Variants in SIK3 observed in about 807,000 individuals in gnomAD.
SIK3 encodes SIK family kinase 3, also known as serine/threonine-protein kinase SIK3.
In SIK3, 28 loss-of-function variants were observed where a neutral mutation model predicts 144.2. The ratio of observed to expected loss-of-function variants is 0.19; its 90% CI spans 0.14 to 0.27. The LOEUF is 0.27. Ranked by LOEUF, SIK3 falls within the 10% of genes least tolerant of loss-of-function variation. The pLI, the probability that SIK3 is intolerant of heterozygous loss-of-function variation, is 1.00. For synonymous variants in SIK3, 686 were observed against 676.3 expected, an observed-to-expected ratio of 1.01 and a Z score of -0.22; for missense variants, 1,319 against 1,776.0, an observed-to-expected ratio of 0.74 and a Z score of 4.62.
At chr11:117,078,698 C>A (rs1033658983) in intron 1 of SIK3, among the ~76,000 whole-genome samples, 1 of 151,918 alleles carries the variant, frequency 6.6e-6, no homozygotes, top group Non-Finnish European at 1.5e-5. Context: ...CCACCACACC[C>A]GGCCTGAGAA....
intron 4 of SIK3, among the ~76,000 whole-genome samples, chr11:116,897,975 A>T (rs1439971834): frequency 1.3e-5 from 2 of 149,224 alleles, no homozygotes; most frequent in African/African-American, 4.9e-5. Context: ...TGGACCCAGA[A>T]TTTTTTTTTT....
chr11:116,934,041 T>C (rs1378967914), intron 3 of SIK3, among the ~76,000 whole-genome samples: 1 of 152,230 alleles, frequency 6.6e-6, no homozygotes, highest in Non-Finnish European at 1.5e-5. Context: ...GAGAGGTCTT[T>C]CCTATCTCTA....
chr11:117,084,868 A>T (rs1250043692), intron 1 of SIK3, among the ~76,000 whole-genome samples: 2 of 152,194 alleles, frequency 1.3e-5, no homozygotes, highest in South Asian at 4.1e-4. Context: ...AAAAGCAAAC[A>T]AAACTGGAAA....
chr11:117,034,176 A>G (rs1183901683), intron 1 of SIK3, among the ~76,000 whole-genome samples: 4 of 152,370 alleles, frequency 2.6e-5, no homozygotes, highest in Non-Finnish European at 1.5e-5. Flanking sequence ...GTTATCACAT[A>G]GAACATGAAG....
At chr11:117,090,679 T>C (rs1301845289) in intron 1 of SIK3, among the ~76,000 whole-genome samples, 1 of 152,244 alleles carries the variant, frequency 6.6e-6, no homozygotes, top group Non-Finnish European at 1.5e-5. Context: ...GGTCATTGCA[T>C]GCTGTGTTTA....
In SIK3 at chr11:116,849,298, C is replaced by G. The variant is rs371938082; in HGVS notation, c.3656-15G>C. The stretch of plus-strand genomic sequence containing the variant: ...TATGACAGGCTCTGAGGAGACACAG[C>G]AGAATAGAGTCAGTGGGGCGGAACT... On this transcript the variant is annotated splice_polypyrimidine_tract_variant and intron_variant, in intron 21 of 24. Transcript: ENST00000445177. This position sits in a 1 kb window ranked among gnomAD's most constrained non-coding sequence, Gnocchi z 4.2. 6.2e-7 allele frequency: 1 copy of G among 1,613,730 alleles called. No individual in the cohort carries two copies. The highest frequency in any genetic ancestry group is 8.5e-7 in the Non-Finnish European group (1 of 1,179,864).
chr11:116,883,648 T>C (rs1252954791), intron 6 of SIK3, among the ~76,000 whole-genome samples: 8 of 152,126 alleles, frequency 5.3e-5, no homozygotes, highest in Admixed American at 4.6e-4. Flanking sequence ...AAATAAGACA[T>C]TTGGGCCCGG....
At position 116,857,554 on chromosome 11, in the gene SIK3, G is replaced by A. The variant is rs2134383506; in HGVS notation, c.3655+256C>T. 4 of 486,738 alleles carry A rather than the reference G, an allele frequency of 8.2e-6. No individual in the cohort carries two copies. The South Asian group carries it at 1.6e-4, about 19-fold the overall frequency. The allele number at this position is 486,738 out of a possible 1,614,324, so 30.2% of individuals were successfully genotyped here. On this transcript the variant is annotated intron_variant, in intron 21 of 24. Transcript: ENST00000445177. ...AGGAATTTCTGGATTCCAAGAAACT[G>A]TGGTATGAATAAGGGAAATGGATCA... is the stretch of plus-strand genomic sequence containing the variant.
chr11:116,989,030 A>G (rs1331076847), intron 1 of SIK3, among the ~76,000 whole-genome samples: 1 of 152,112 alleles, frequency 6.6e-6, no homozygotes, highest in Non-Finnish European at 1.5e-5. Flanking sequence ...TAAGACTACA[A>G]TAAGTAAAGG....
chr11:116,914,667 GA>G (rs1439244201), intron 4 of SIK3, among the ~76,000 whole-genome samples: 1 of 152,144 alleles, frequency 6.6e-6, no homozygotes, highest in East Asian at 1.9e-4. Context: ...GAGTTTTAAG[GA>G]AAAGTTCCAG....
Position 116,990,643 on chromosome 11 carries a change from G to A in SIK3, c.274-33579C>T, listed in dbSNP as rs552880096. 2.1e-3 allele frequency among the ~76,000 whole-genome samples: 315 copies of A among 152,168 alleles called. 2 individuals are homozygous for A. Among genetic ancestry groups the A allele is most frequent in the Non-Finnish European group, 3.4e-3 (228 of 68,028 alleles). ...CCAGACAGCAATAACTTCCACATTCGTACCTCCAGGCTTCGTATTTCCAAC... is the reference window on the plus strand; with the variant it reads ...CCAGACAGCAATAACTTCCACATTCATACCTCCAGGCTTCGTATTTCCAAC... On this transcript the variant is annotated intron_variant, in intron 1 of 24. Transcript: ENST00000445177.
chr11:116,892,675 T>C (rs1048337483), intron 6 of SIK3, among the ~76,000 whole-genome samples: 1 of 152,244 alleles, frequency 6.6e-6, no homozygotes, highest in African/African-American at 2.4e-5. Context: ...CCTACAAAAC[T>C]ATCCATGCTC....
chr11:116,907,738 T>A (rs1946120612), intron 4 of SIK3, among the ~76,000 whole-genome samples: 1 of 152,240 alleles, frequency 6.6e-6, no homozygotes, highest in African/African-American at 2.4e-5. Context: ...CTGCTTATGT[T>A]AATTCCCAAA....
At chr11:116,951,783 A>AT (rs1251590191) in intron 3 of SIK3, among the ~76,000 whole-genome samples, 1 of 151,966 alleles carries the variant, frequency 6.6e-6, no homozygotes, top group South Asian at 2.1e-4. Flanking sequence ...AAAATTTAAA[A>AT]ATTAGCCTGG....
chr11:116,879,947 T>C (rs1433434697), intron 6 of SIK3, among the ~76,000 whole-genome samples: 1 of 152,192 alleles, frequency 6.6e-6, no homozygotes, highest in African/African-American at 2.4e-5. Flanking sequence ...TGTTCTTAAT[T>C]TAGGAAGTTG....
chr11:116,973,692 T>G (rs948101399), intron 1 of SIK3, among the ~76,000 whole-genome samples: 1 of 152,208 alleles, frequency 6.6e-6, no homozygotes, highest in African/African-American at 2.4e-5. Context: ...TAATAAGTCA[T>G]GTTGATAGTA....
intron 1 of SIK3, among the ~76,000 whole-genome samples, chr11:116,975,372 T>A (rs931315702): frequency 1.5e-4 from 23 of 152,060 alleles, no homozygotes; most frequent in South Asian, 2.1e-4. Flanking sequence ...CCCACTCCTA[T>A]CCCTCCACCA....
intron 1 of SIK3, among the ~76,000 whole-genome samples, chr11:117,040,816 T>A (rs573309792): frequency 1.2e-4 from 19 of 152,232 alleles, no homozygotes; most frequent in Admixed American, 5.2e-4. Flanking sequence ...ATCATCATAT[T>A]TTCTTTTCTT....
chr11:116,874,003 T>C lies in SIK3; in HGVS notation c.1481A>G (p.Asn494Ser), dbSNP rs747465129. 1.2e-6 allele frequency: 2 copies of C among 1,614,046 alleles called. No individual in the cohort carries two copies. Among genetic ancestry groups the C allele is most frequent in the East Asian group, 4.5e-5 (2 of 44,878 alleles). Reference protein sequence around the residue: ...QKLLPGFPGVNPQAPFLQVAP... With the variant: ...QKLLPGFPGVSPQAPFLQVAP... ...CACCTGCAGGAATGGAGCCTGGGGG[T>C]TGACTCCAGGAAAGCCAGGTAGGAG... Residue 494 changes from asparagine (N) to serine (S), a missense_variant, in exon 12 of 25, where the codon AAC becomes AGC. Transcript: ENST00000445177.
Sources: gnomAD v4.1 joint callset for allele counts (sites outside exome capture counted in the v4.1 genomes callset) on GRCh38, gnomAD v4.1.1 for gene constraint, Gnocchi (gnomAD v3.1) non-coding constraint, MANE v1.5 for transcripts, NCBI Gene and HGNC (gene_info 2026-07-23, HGNC 2026-07-21) for gene names.